The following TOM1L1 variants were observed in gnomAD, a reference collection of about 807,000 sequenced individuals.
The protein encoded by TOM1L1 is TOM1-like protein 1.
TOM1L1 carries 64 observed loss-of-function variants against 63.4 expected under a neutral mutation model. That is an observed-to-expected ratio of 1.01 (90% CI 0.83 to 1.24). The LOEUF is 1.24. Among genes scored for constraint, TOM1L1 ranks in the 50% most tolerant of loss-of-function variants. The pLI is 0.00. For synonymous variants in TOM1L1, 166 were observed against 194.4 expected (o/e 0.85, Z 1.22); for missense variants, 536 against 567.0 (o/e 0.95, Z 0.55).
At chr17:54,912,582 C>G in intron 3 of TOM1L1, 84 bp from the exon 4 acceptor site, 1 of 1,164,522 alleles carries the variant, frequency 8.6e-7, no homozygotes, top group Non-Finnish European at 1.2e-6. Flanking sequence ...CTGATGGAAC[C>G]CATTATTTAG....
At chr17:54,918,913 T>G (rs1235395320) in intron 7 of TOM1L1, among the ~76,000 whole-genome samples, 4 of 152,214 alleles carry the variant, frequency 2.6e-5, no homozygotes, top group African/African-American at 9.6e-5. Flanking sequence ...CTGCAGAACA[T>G]CAGGGTAGTA....
At chr17:54,929,122 T>C (rs1010538611) in intron 7 of TOM1L1, among the ~76,000 whole-genome samples, 1 of 152,206 alleles carries the variant, frequency 6.6e-6, no homozygotes, top group Non-Finnish European at 1.5e-5. Flanking sequence ...TTTTGCTTGA[T>C]GTTAATGTAC....
chr17:54,919,789 C>A (rs577337338), intron 7 of TOM1L1, among the ~76,000 whole-genome samples: 3 of 142,198 alleles, frequency 2.1e-5, no homozygotes, highest in Middle Eastern at 3.6e-3. Context: ...TTCTTAATTT[C>A]TTTTGACAAA....
intron 14 of TOM1L1, chr17:54,953,226 A>C (rs1193040882): frequency 2.6e-5 from 4 of 152,016 alleles, no homozygotes; most frequent in African/African-American, 9.7e-5. Flanking sequence ...AAACAAACAA[A>C]AAAATCAGCC....
chr17:54,943,995 AATAC>A (rs1313191945), intron 11 of TOM1L1, among the ~76,000 whole-genome samples: 10 of 138,390 alleles, frequency 7.2e-5, no homozygotes, highest in Admixed American at 2.8e-4. Context: ...TAAATAAATA[AATAC>A]ATAAATAAAT....
rs1454747524 is a variant in TOM1L1 at position 54,947,309 on chromosome 17, T to A, written c.1179T>A (p.Asp393Glu). The A allele has an allele frequency of 1.2e-6, 2 of 1,614,012 alleles. No homozygotes were observed. The highest frequency in any genetic ancestry group is 1.7e-6 in the Non-Finnish European group (2 of 1,179,998). Reference protein sequence around the residue: ...SQNLTSSHAYDNFLEHSNSVF... With the variant: ...SQNLTSSHAYENFLEHSNSVF... ...ACCTCACCTCAAGCCACGCATATGA[T>A]AATGTAAGTAACAAAACTCTTTTCT... The change falls in exon 12 of 16, where the codon GAT becomes GAA. Residue 393 changes from aspartate to glutamate, a missense_variant. By Grantham distance (45) the Asp-to-Glu change is conservative. Coordinates refer to ENST00000575882, the MANE Select transcript of TOM1L1 (RefSeq NM_005486.3).
At chr17:54,911,348 CCTCTT>C (rs1371737293) in intron 3 of TOM1L1, among the ~76,000 whole-genome samples, 1 of 152,080 alleles carries the variant, frequency 6.6e-6, no homozygotes, top group African/African-American at 2.4e-5. Flanking sequence ...TTCAGCCCTT[CCTCTT>C]CTCTTCTCAT....
rs957328483 is a variant in TOM1L1, at chr17:54,942,337, G to C, written c.1130+3317G>C. 3 of 149,884 alleles carry C rather than the reference G, an allele frequency of 2.0e-5. No individual in the cohort carries two copies. In the South Asian group the frequency reaches 6.3e-4, roughly 31 times the overall value. 9.3% of individuals were successfully genotyped at this position (149,884 alleles called of 1,614,324 possible). On this transcript the variant is annotated intron_variant, in intron 11 of 15. Transcript: ENST00000575882. ...GGCCAGGCTGTGGTCTCAAACTCCTGACCTACGGTGATCTGCCCACCTCGG... is the reference window on the plus strand; with the variant it reads ...GGCCAGGCTGTGGTCTCAAACTCCTCACCTACGGTGATCTGCCCACCTCGG...
intron 14 of TOM1L1, 101 bp from the exon 15 acceptor site, chr17:54,960,465 C>T: frequency 1.2e-6 from 1 of 851,806 alleles, no homozygotes; most frequent in Non-Finnish European, 2.0e-6. Context: ...GCCTGAACTC[C>T]AAAACCAGCT....
chr17:54,948,862 T>G (rs1207649797), intron 12 of TOM1L1, among the ~76,000 whole-genome samples: 1 of 152,238 alleles, frequency 6.6e-6, no homozygotes, highest in Non-Finnish European at 1.5e-5. Context: ...TCTCTGTAGA[T>G]TTAAATTTTT....
intron 7 of TOM1L1, among the ~76,000 whole-genome samples, chr17:54,929,527 A>G (rs1303058780): frequency 2.0e-5 from 3 of 152,194 alleles, no homozygotes; most frequent in African/African-American, 4.8e-5. Context: ...TTTAAGTACA[A>G]CGTAACAGGA....
intron 7 of TOM1L1, among the ~76,000 whole-genome samples, chr17:54,923,984 A>AAAAAT (rs1031640807): frequency 1.5e-4 from 23 of 152,218 alleles, no homozygotes; most frequent in African/African-American, 5.1e-4. Context: ...CTACTTGTCA[A>AAAAAT]AAAATAAAAT....
intron 11 of TOM1L1, among the ~76,000 whole-genome samples, chr17:54,944,684 C>T (rs2049089491): frequency 6.6e-6 from 1 of 152,114 alleles, no homozygotes; most frequent in Admixed American, 6.5e-5. Flanking sequence ...GAATATGGGG[C>T]TCATGCTTCT....
intron 8 of TOM1L1, among the ~76,000 whole-genome samples, chr17:54,932,676 C>G (rs1402550747): frequency 6.6e-6 from 1 of 152,294 alleles, no homozygotes; most frequent in East Asian, 1.9e-4. Flanking sequence ...CCTCCTTGGC[C>G]TCCCAAAGTG....
At position 54,913,762 on chromosome 17, in the gene TOM1L1, C is replaced by A. The variant is rs750858218; in HGVS notation, c.387C>A (p.Gly129=). Residue 129 remains glycine, a synonymous_variant, in exon 5 of 16, where the codon GGC becomes GGA. Coordinates refer to ENST00000575882, the MANE Select transcript of TOM1L1 (RefSeq NM_005486.3). ...CTTGAATTCAGACTTGGTCACAGGGCTTCCCAGGAGGTGTGGATGTAAGCG... is the reference window on the plus strand; with the variant it reads ...CTTGAATTCAGACTTGGTCACAGGGATTCCCAGGAGGTGTGGATGTAAGCG... ...ILNFIKTWSQ[G]FPGGVDVSEV... 1.2e-6 allele frequency: 2 copies of A among 1,606,916 alleles called. No individual in the cohort carries two copies. Among genetic ancestry groups the A allele is most frequent in the Non-Finnish European group, 1.7e-6 (2 of 1,175,982 alleles).
intron 4 of TOM1L1, among the ~76,000 whole-genome samples, 181 bp from the exon 5 acceptor site, chr17:54,913,566 TG>T (rs1423147726): frequency 6.7e-6 from 1 of 150,062 alleles, no homozygotes; most frequent in Non-Finnish European, 1.5e-5. Context: ...CTCAGGAGGC[TG>T]AGGCAGGAGA....
At chr17:54,937,557 T>C (rs1360406328) in intron 10 of TOM1L1, 2 of 242,610 alleles carry the variant, frequency 8.2e-6, no homozygotes, top group Non-Finnish European at 1.6e-5. Context: ...ATTGGGTTTT[T>C]CTGCTATACC....
At chr17:54,945,431 T>G (rs1728700270) in intron 11 of TOM1L1, among the ~76,000 whole-genome samples, 1 of 152,218 alleles carries the variant, frequency 6.6e-6, no homozygotes, top group Admixed American at 6.5e-5. Flanking sequence ...ACCAAACTTG[T>G]GATGTTTTTA....
intron 14 of TOM1L1, chr17:54,957,309 G>A (rs1449209129): frequency 6.6e-6 from 1 of 152,158 alleles, no homozygotes; most frequent in Non-Finnish European, 1.5e-5. Context: ...CCTAACTCAG[G>A]TTTGAGAAAT....
Sources: allele counts gnomAD v4.1 joint callset (sites outside exome capture counted in the v4.1 genomes callset), GRCh38; gene constraint gnomAD v4.1.1; transcripts MANE v1.5; gene names NCBI Gene and HGNC (gene_info 2026-07-23, HGNC 2026-07-21).